The following TMEM132C variants were observed in gnomAD, a reference collection of about 807,000 sequenced individuals.
TMEM132C encodes protein phosphatase 1, regulatory subunit 152.
Under a neutral mutation model 61.4 loss-of-function variants are expected in TMEM132C, and 29 were observed. The ratio of observed to expected loss-of-function variants is 0.47; its 90% CI spans 0.35 to 0.64. The LOEUF is 0.64. Ranked by LOEUF, TMEM132C falls within the 30% of genes least tolerant of loss-of-function variation. The probability of loss-of-function intolerance (pLI) is 0.00; values close to 1 mark genes in which losing one functional copy is unlikely to be tolerated. For missense variants in TMEM132C, 1,408 were observed against 1,476.9 expected, an observed-to-expected ratio of 0.95 and a Z score of 0.76; for synonymous variants, 656 against 633.1, an observed-to-expected ratio of 1.04 and a Z score of -0.54.
chr12:128,440,819 T>C (rs1458599322), intron 2 of TMEM132C, among the ~76,000 whole-genome samples: 2 of 151,998 alleles, frequency 1.3e-5, no homozygotes, highest in Non-Finnish European at 2.9e-5. Context: ...GAGGCTGAGG[T>C]GGGCAGAAAA....
chr12:128,320,895 C>A (rs1192302173), intron 1 of TMEM132C, among the ~76,000 whole-genome samples: 1 of 151,526 alleles, frequency 6.6e-6, no homozygotes, highest in Non-Finnish European at 1.5e-5. Context: ...AAATGAGATG[C>A]CATCACCAAT....
At chr12:128,679,879 G>A (rs936007012) in intron 5 of TMEM132C, among the ~76,000 whole-genome samples, 1 of 152,152 alleles carries the variant, frequency 6.6e-6, no homozygotes, top group African/African-American at 2.4e-5. Flanking sequence ...GATTCACAGG[G>A]CTAGTTCATG....
intron 1 of TMEM132C, among the ~76,000 whole-genome samples, chr12:128,377,080 AG>A (rs1874215975): frequency 6.8e-6 from 1 of 147,340 alleles, no homozygotes; most frequent in Non-Finnish European, 1.5e-5. Flanking sequence ...TTTGAGATGG[AG>A]TCTTGCTTTG....
chr12:128,314,965 A>G (rs1872101360), intron 1 of TMEM132C, among the ~76,000 whole-genome samples: 1 of 152,260 alleles, frequency 6.6e-6, no homozygotes, highest in African/African-American at 2.4e-5. Context: ...GGAGGGAGAC[A>G]GTAAACAAGG....
chr12:128,366,560 C>T (rs1248610546), intron 1 of TMEM132C, among the ~76,000 whole-genome samples: 1 of 152,064 alleles, frequency 6.6e-6, no homozygotes, highest in Non-Finnish European at 1.5e-5. Flanking sequence ...TGGAAATGGC[C>T]CTTGTCTCCC....
chr12:128,392,205 G>T (rs1033607109), intron 1 of TMEM132C, among the ~76,000 whole-genome samples: 1 of 152,110 alleles, frequency 6.6e-6, no homozygotes, highest in Non-Finnish European at 1.5e-5. Flanking sequence ...GCAGCTCCTG[G>T]GGGGAGGTGG....
rs11059687 is a variant in TMEM132C at position 128,427,432 on chromosome 12, A to G, written c.974+11812A>G. Among the ~76,000 whole-genome samples the G allele has an allele frequency of 4.6e-3, 375 of 81,948 alleles. 4 individuals carry two copies. Among genetic ancestry groups the G allele is most frequent in the East Asian group, 0.045 (155 of 3,444 alleles). The allele number at this position is 81,948 out of a possible 152,430, so 53.8% of individuals were successfully genotyped here. ...TGTGTGTGTGTGTGTGTGTGTGTAT[A>G]TATATTTAAGGAGGGTGGTGGCCTG... On this transcript the variant is annotated intron_variant, in intron 2 of 8. Transcript: ENST00000435159.
intron 3 of TMEM132C, among the ~76,000 whole-genome samples, chr12:128,561,328 T>C (rs940310962): frequency 1.3e-5 from 2 of 152,238 alleles, no homozygotes; most frequent in African/African-American, 2.4e-5. Context: ...TATTTTTTCA[T>C]GCCAGGCTGC....
intron 1 of TMEM132C, among the ~76,000 whole-genome samples, chr12:128,297,127 A>G (rs1871438567): frequency 6.6e-6 from 1 of 152,196 alleles, no homozygotes; most frequent in African/African-American, 2.4e-5. Flanking sequence ...GAAAGCAGCA[A>G]GGGTCTGTTT....
At chr12:128,325,445 G>A (rs1335587077) in intron 1 of TMEM132C, among the ~76,000 whole-genome samples, 1 of 152,008 alleles carries the variant, frequency 6.6e-6, no homozygotes, top group East Asian at 1.9e-4. Context: ...AAATACATGG[G>A]TGTCTCTGTG....
At chr12:128,665,887 A>C (rs1479702257) in intron 4 of TMEM132C, among the ~76,000 whole-genome samples, 3 of 148,866 alleles carry the variant, frequency 2.0e-5, no homozygotes, top group Non-Finnish European at 4.5e-5. Flanking sequence ...ACCCATAAAC[A>C]CACAGCCACA....
chr12:128,518,879 C>A (rs1872809107), intron 2 of TMEM132C, among the ~76,000 whole-genome samples: 1 of 152,166 alleles, frequency 6.6e-6, no homozygotes, highest in African/African-American at 2.4e-5. Flanking sequence ...GGGCAATTTA[C>A]ATAATCCTTT....
chr12:128,545,842 T>C (rs530024006), intron 3 of TMEM132C, among the ~76,000 whole-genome samples: 1 of 152,348 alleles, frequency 6.6e-6, no homozygotes, highest in South Asian at 2.1e-4. Context: ...GGTGGCTTCT[T>C]GGATTCAAAA....
At chr12:128,478,752 GAT>G (rs1871235438) in intron 2 of TMEM132C, among the ~76,000 whole-genome samples, 1 of 152,208 alleles carries the variant, frequency 6.6e-6, no homozygotes, top group East Asian at 1.9e-4. Context: ...ACACCAGATA[GAT>G]GCTACAAGGA....
At chr12:128,487,556 G>A (rs1871542802) in intron 2 of TMEM132C, among the ~76,000 whole-genome samples, 2 of 151,166 alleles carry the variant, frequency 1.3e-5, no homozygotes, top group African/African-American at 4.9e-5. Flanking sequence ...GATCTTAAGT[G>A]CCCCATGTAA....
intron 5 of TMEM132C, among the ~76,000 whole-genome samples, chr12:128,683,537 C>T (rs999348646): frequency 7.9e-5 from 12 of 152,172 alleles, no homozygotes; most frequent in Non-Finnish European, 1.3e-4. Flanking sequence ...AACTCCTGTT[C>T]GCTGTGAGAC....
intron 1 of TMEM132C, among the ~76,000 whole-genome samples, chr12:128,338,902 C>T (rs1872870516): frequency 6.6e-6 from 1 of 151,996 alleles, no homozygotes; most frequent in Admixed American, 6.5e-5. Context: ...ACACAGAGGG[C>T]TTTGGGTAAT....
intron 2 of TMEM132C, among the ~76,000 whole-genome samples, chr12:128,489,007 A>T (rs1361230172): frequency 6.6e-6 from 1 of 152,164 alleles, no homozygotes; most frequent in East Asian, 1.9e-4. Flanking sequence ...CATATGGAGG[A>T]TCCTTTCAAG....
At chr12:128,512,057 C>T (rs1049438338) in intron 2 of TMEM132C, among the ~76,000 whole-genome samples, 7 of 152,162 alleles carry the variant, frequency 4.6e-5, no homozygotes, top group Middle Eastern at 3.2e-3. Context: ...CCCTGTCGGC[C>T]ACAGGCACTT....
Sources: allele counts gnomAD v4.1 joint callset (sites outside exome capture counted in the v4.1 genomes callset), GRCh38; gene constraint gnomAD v4.1.1; transcripts MANE v1.5; gene names NCBI Gene and HGNC (gene_info 2026-07-23, HGNC 2026-07-21).